The following ATRNL1 variants were observed in gnomAD, a reference collection of about 807,000 sequenced individuals.
The protein encoded by ATRNL1 is attractin-like protein 1.
ATRNL1 carries 95 observed loss-of-function variants against 182.7 expected under a neutral mutation model. The observed-to-expected ratio is 0.52, with a 90% CI of 0.44 to 0.62. The LOEUF is 0.62. Ranked by LOEUF, ATRNL1 falls within the 20% of genes least tolerant of loss-of-function variation. The pLI is 0.00. For missense variants in ATRNL1, 1,471 were observed against 1,679.5 expected, an observed-to-expected ratio of 0.88 and a Z score of 2.17; for synonymous variants, 576 against 568.3, an observed-to-expected ratio of 1.01 and a Z score of -0.19.
chr10:115,613,898 G>T (rs1857293251), intron 26 of ATRNL1, among the ~76,000 whole-genome samples: 1 of 150,712 alleles, frequency 6.6e-6, no homozygotes, highest in Non-Finnish European at 1.5e-5. Context: ...TTTTTATTTG[G>T]GTCTCCACTG....
At chr10:115,423,810 G>A (rs2134385764) in intron 20 of ATRNL1, among the ~76,000 whole-genome samples, 1 of 152,278 alleles carries the variant, frequency 6.6e-6, no homozygotes, top group East Asian at 1.9e-4. Context: ...CTCAAAATGT[G>A]AGACTACTGG....
At chr10:115,572,512 A>G (rs1854459215) in intron 26 of ATRNL1, among the ~76,000 whole-genome samples, 1 of 152,196 alleles carries the variant, frequency 6.6e-6, no homozygotes. Flanking sequence ...ACCTTAACCT[A>G]AACCATAAGA....
At chr10:115,754,837 T>C (rs1157233111) in intron 27 of ATRNL1, among the ~76,000 whole-genome samples, 1 of 152,186 alleles carries the variant, frequency 6.6e-6, no homozygotes, top group Non-Finnish European at 1.5e-5. Context: ...TTTCCTCTCT[T>C]ATTTCCTTGA....
chr10:115,117,739 A>G (rs1844555114), intron 1 of ATRNL1, among the ~76,000 whole-genome samples: 2 of 152,064 alleles, frequency 1.3e-5, no homozygotes, highest in Non-Finnish European at 2.9e-5. Flanking sequence ...GCTGAATCGT[A>G]TGGTAGCTAA....
intron 26 of ATRNL1, among the ~76,000 whole-genome samples, chr10:115,552,329 A>G (rs1478769471): frequency 1.3e-5 from 2 of 151,320 alleles, no homozygotes; most frequent in African/African-American, 2.4e-5. Flanking sequence ...AAAAGAACCC[A>G]CTATTATTTC....
intron 26 of ATRNL1, among the ~76,000 whole-genome samples, chr10:115,643,275 C>T (rs1555031108): frequency 6.6e-6 from 1 of 151,888 alleles, no homozygotes. Flanking sequence ...TATAAATATG[C>T]AAAAAATAAT....
intron 3 of ATRNL1, among the ~76,000 whole-genome samples, chr10:115,126,194 A>T (rs1470760625): frequency 6.6e-6 from 1 of 152,112 alleles, no homozygotes; most frequent in African/African-American, 2.4e-5. Flanking sequence ...AGTAGCTGAG[A>T]CTACAGGCAT....
intron 19 of ATRNL1, among the ~76,000 whole-genome samples, chr10:115,369,479 A>T (rs1467292333): frequency 2.0e-5 from 3 of 152,112 alleles, no homozygotes; most frequent in Non-Finnish European, 4.4e-5. Context: ...CCATTGATGG[A>T]TATTTAAGTT....
rs190449783 is a variant in ATRNL1, at chr10:115,479,398, A to G, written c.3654+10069A>G. On this transcript the variant is annotated intron_variant, in intron 24 of 28. Transcript: ENST00000355044. The stretch of plus-strand genomic sequence containing the variant: ...TTTGTACAGAATTAATCAGACATTA[A>G]TTTAGCCATTGAGATCCTCTGCCAT... Among the ~76,000 whole-genome samples the G allele has an allele frequency of 3.3e-5, 5 of 151,736 alleles. No individual in the cohort carries two copies. The East Asian group carries it at 5.8e-4, about 18-fold the overall frequency.
chr10:115,342,268 T>C (rs1855786599), intron 19 of ATRNL1, among the ~76,000 whole-genome samples: 1 of 152,026 alleles, frequency 6.6e-6, no homozygotes, highest in African/African-American at 2.4e-5. Context: ...CTTCTTTCTT[T>C]CCCTCCTGTC....
At chr10:115,647,759 A>T (rs745643289) in intron 26 of ATRNL1, among the ~76,000 whole-genome samples, 1 of 152,006 alleles carries the variant, frequency 6.6e-6, no homozygotes, top group Admixed American at 6.6e-5. Flanking sequence ...TTGCCTGTTC[A>T]CTCTGATAAT....
chr10:115,121,889 C>A, intron 3 of ATRNL1, 77 bp downstream of exon 3: 1 of 620,894 alleles, frequency 1.6e-6, no homozygotes, highest in South Asian at 2.4e-5. Context: ...ATATGTACTG[C>A]AAAATAAATT....
chr10:115,539,518 G>GA (rs1365000458), intron 25 of ATRNL1, among the ~76,000 whole-genome samples: 21 of 152,258 alleles, frequency 1.4e-4, no homozygotes, highest in African/African-American at 5.1e-4. Context: ...AGTGCCCCCT[G>GA]ACCTGAAGTC....
At chr10:115,526,793 G>C (rs1421182986) in intron 25 of ATRNL1, among the ~76,000 whole-genome samples, 1 of 152,142 alleles carries the variant, frequency 6.6e-6, no homozygotes, top group Non-Finnish European at 1.5e-5. Context: ...GAGATAATGG[G>C]AGAATTTGAG....
intron 20 of ATRNL1, among the ~76,000 whole-genome samples, chr10:115,422,077 A>G (rs1241371172): frequency 2.0e-5 from 3 of 152,214 alleles, no homozygotes; most frequent in African/African-American, 7.2e-5. Flanking sequence ...TGTACGACCC[A>G]AAACTATAAA....
At chr10:115,885,371 G>C (rs537545910) in intron 28 of ATRNL1, among the ~76,000 whole-genome samples, 127 of 152,288 alleles carry the variant, frequency 8.3e-4, no homozygotes, top group Non-Finnish European at 8.4e-4. Flanking sequence ...TTACCACCAG[G>C]GATGAGCGGC....
chr10:115,863,598 A>G (rs1290632492), intron 28 of ATRNL1, among the ~76,000 whole-genome samples: 1 of 152,210 alleles, frequency 6.6e-6, no homozygotes, highest in Admixed American at 6.5e-5. Flanking sequence ...TAGAGGGATC[A>G]GTATGAGTTT....
chr10:115,797,866 CTCAG>C (rs1555083369), intron 27 of ATRNL1, among the ~76,000 whole-genome samples: 1 of 152,192 alleles, frequency 6.6e-6, no homozygotes, highest in Admixed American at 6.5e-5. Context: ...GCAAATTCTT[CTCAG>C]TCAATGTTGC....
chr10:115,268,945 CAG>C (rs1358660487), intron 13 of ATRNL1, among the ~76,000 whole-genome samples: 6 of 152,252 alleles, frequency 3.9e-5, no homozygotes, highest in African/African-American at 9.6e-5. Flanking sequence ...TTTTGTCTCA[CAG>C]GGGACATTTT....
Sources: gnomAD v4.1 joint callset for allele counts (sites outside exome capture counted in the v4.1 genomes callset) on GRCh38, gnomAD v4.1.1 for gene constraint, MANE v1.5 for transcripts, NCBI Gene and HGNC (gene_info 2026-07-23, HGNC 2026-07-21) for gene names.